BLOC1S5: variants seen among roughly 807,000 people sequenced by gnomAD.
The protein encoded by BLOC1S5 is biogenesis of lysosome-related organelles complex 1 subunit 5.
A neutral mutation model predicts 24.3 loss-of-function variants in BLOC1S5; 27 were observed. The observed-to-expected ratio is 1.11, with a 90% CI of 0.82 to 1.53. BLOC1S5 has a LOEUF of 1.53. BLOC1S5 is among the 40% of genes most tolerant of loss of function. The pLI is 0.00. For synonymous variants in BLOC1S5, 84 were observed against 74.5 expected (o/e 1.13, Z -0.66); for missense variants, 239 against 229.4 (o/e 1.04, Z -0.27).
rs550797753 is a variant in BLOC1S5 at position 8,064,081 on chromosome 6, G to T, written c.112+184C>A. Among the ~76,000 whole-genome samples the T allele has an allele frequency of 5.0e-4, 76 of 152,316 alleles. 1 individual carries two copies. The East Asian group carries it at 0.013, about 27-fold the overall frequency. ...GCGGGGAAACACGAAGAGTTGGGCTGGTTGGTTGTGGTGGGACGCATTTGG... is the reference window on the plus strand; with the variant it reads ...GCGGGGAAACACGAAGAGTTGGGCTTGTTGGTTGTGGTGGGACGCATTTGG... On this transcript the variant is annotated intron_variant, in intron 1 of 4. Transcript: ENST00000397457.
chr6:8,039,867 T>A (rs78790689), intron 3 of BLOC1S5, among the ~76,000 whole-genome samples: 5,959 of 152,282 alleles, frequency 0.039, 372 homozygotes, highest in African/African-American at 0.13. Flanking sequence ...ATATGGAATT[T>A]AATTATTAAT....
intron 2 of BLOC1S5, chr6:8,042,036 A>C (rs1763712765): frequency 6.6e-6 from 1 of 152,226 alleles, no homozygotes; most frequent in Non-Finnish European, 1.5e-5. Flanking sequence ...GCTTTCTTCT[A>C]ATTATTTGGC....
At chr6:8,041,055 T>TC in intron 3 of BLOC1S5, 84 bp downstream of exon 3, 1 of 1,439,972 alleles carries the variant, frequency 6.9e-7, no homozygotes, top group Non-Finnish European at 9.3e-7. Flanking sequence ...CCTCTCCACC[T>TC]CCCCCCATAA....
At chr6:8,041,312 C>CT (rs55949249) in intron 2 of BLOC1S5, 44 bp from the exon 3 acceptor site, 29,901 of 1,054,064 alleles carry the variant, frequency 0.028, 38 homozygotes, top group East Asian at 0.054. Context: ...GTGTCTTTTC[C>CT]TTTTTTTTTT....
intron 2 of BLOC1S5, chr6:8,042,016 A>C (rs1164719592): frequency 6.6e-6 from 1 of 152,176 alleles, no homozygotes; most frequent in African/African-American, 2.4e-5. Context: ...TATTACTGAA[A>C]ATTTATGCAG....
chr6:8,028,463 T>C (rs1410676683), intron 3 of BLOC1S5, among the ~76,000 whole-genome samples: 1 of 152,112 alleles, frequency 6.6e-6, no homozygotes, highest in Non-Finnish European at 1.5e-5. Context: ...ATTTCCTGCG[T>C]TGTTTTTTTC....
intron 2 of BLOC1S5, among the ~76,000 whole-genome samples, chr6:8,061,006 T>A (rs1764492019): frequency 6.6e-6 from 1 of 152,082 alleles, no homozygotes; most frequent in Admixed American, 6.6e-5. Context: ...TGTATTTTTT[T>A]AAGTAGAGAT....
chr6:8,019,736 T>TG (rs1245952027), intron 4 of BLOC1S5, among the ~76,000 whole-genome samples: 2 of 152,180 alleles, frequency 1.3e-5, no homozygotes, highest in Non-Finnish European at 2.9e-5. Flanking sequence ...CTTTAAGTCA[T>TG]GCAAACGAAG....
chr6:8,051,240 C>A (rs1039920278), intron 2 of BLOC1S5, among the ~76,000 whole-genome samples: 1 of 151,750 alleles, frequency 6.6e-6, no homozygotes, highest in Non-Finnish European at 1.5e-5. Context: ...AGTGAAACAG[C>A]CTTATTGCTG....
intron 3 of BLOC1S5, among the ~76,000 whole-genome samples, chr6:8,036,601 A>T (rs1157831142): frequency 6.6e-6 from 1 of 152,176 alleles, no homozygotes; most frequent in Non-Finnish European, 1.5e-5. Context: ...TTTAAAGAAG[A>T]ATTAACACCA....
At position 8,024,658 on chromosome 6, in the gene BLOC1S5, T is replaced by G. The variant is rs1347668622; in HGVS notation, c.384+1709A>C. On this transcript the variant is annotated intron_variant, in intron 4 of 4. Coordinates refer to ENST00000397457, the MANE Select transcript of BLOC1S5 (RefSeq NM_201280.3). ...ATCAATGGGAAGGATTCTCAAGTGC[T>G]TCACAGACTCTAACAGACTACAGCA... is the stretch of plus-strand genomic sequence containing the variant. Among the ~76,000 whole-genome samples, 5 of 152,280 alleles carry G rather than the reference T, an allele frequency of 3.3e-5. No homozygotes were observed. The East Asian group carries it at 5.8e-4, about 18-fold the overall frequency.
At chr6:8,058,357 G>GACA (rs1764389155) in intron 2 of BLOC1S5, among the ~76,000 whole-genome samples, 1 of 84,554 alleles carries the variant, frequency 1.2e-5, no homozygotes, top group Non-Finnish European at 2.5e-5. Context: ...CTGTCTCTAT[G>GACA]AAAAAAAAAA....
At position 8,018,647 on chromosome 6, in the gene BLOC1S5, A is replaced by T. The variant is rs1444721212; in HGVS notation, c.385-2819T>A. Among the ~76,000 whole-genome samples the T allele has an allele frequency of 2.6e-5, 4 of 152,224 alleles. No individual in the cohort carries two copies. In the South Asian group the frequency reaches 8.3e-4, roughly 31 times the overall value. ...AACTTAAAGTTTCTTTAACTTTAAA[A>T]TGAGGAAAATAAATACTCCGCATCC... On this transcript the variant is annotated intron_variant, in intron 4 of 4. Transcript: ENST00000397457.
At chr6:8,019,480 G>A (rs371231165) in intron 4 of BLOC1S5, among the ~76,000 whole-genome samples, 53 of 152,066 alleles carry the variant, frequency 3.5e-4, no homozygotes, top group African/African-American at 8.7e-4. Flanking sequence ...CACTGGCCAG[G>A]CTGGTCTTGA....
intron 3 of BLOC1S5, among the ~76,000 whole-genome samples, chr6:8,037,228 C>T (rs574699099): frequency 6.6e-6 from 1 of 152,244 alleles, no homozygotes; most frequent in African/African-American, 2.4e-5. Context: ...TTAGAAAAAC[C>T]TATTGACTCA....
chr6:8,046,539 GT>G (rs1379271994), intron 2 of BLOC1S5, among the ~76,000 whole-genome samples: 5 of 152,112 alleles, frequency 3.3e-5, no homozygotes, highest in Admixed American at 6.5e-5. Context: ...TATAAGGCCA[GT>G]TTCTGACTTT....
intron 3 of BLOC1S5, chr6:8,027,348 C>A (rs1763142421): frequency 2.2e-6 from 1 of 456,530 alleles, no homozygotes. Flanking sequence ...GTGCTTTGTG[C>A]CAGGCACTGT....
intron 3 of BLOC1S5, among the ~76,000 whole-genome samples, chr6:8,029,641 C>A (rs1356692683): frequency 1.3e-5 from 2 of 152,214 alleles, no homozygotes; most frequent in African/African-American, 4.8e-5. Context: ...CTCAGCACCA[C>A]CACACTGCAC....
chr6:8,056,090 A>G (rs1764295254), intron 2 of BLOC1S5, among the ~76,000 whole-genome samples: 1 of 152,164 alleles, frequency 6.6e-6, no homozygotes, highest in South Asian at 2.1e-4. Flanking sequence ...CCACCATAGG[A>G]TGACATAGTC....
Sources: gnomAD v4.1 joint callset for allele counts (sites outside exome capture counted in the v4.1 genomes callset) on GRCh38, gnomAD v4.1.1 for gene constraint, MANE v1.5 for transcripts, NCBI Gene and HGNC (gene_info 2026-07-23, HGNC 2026-07-21) for gene names.